The following WDR41 variants were observed in gnomAD, a reference collection of about 807,000 sequenced individuals.
WDR41 encodes the protein WD repeat domain 41.
WDR41 carries 63 observed loss-of-function variants against 69.3 expected under a neutral mutation model. The observed-to-expected ratio is 0.91, with a 90% CI of 0.74 to 1.12. WDR41 has a LOEUF of 1.12. Ranked by LOEUF, WDR41 falls within the 50% of genes most tolerant of loss-of-function variation. WDR41 has a pLI of 0.00. For synonymous variants in WDR41, 185 were observed against 192.1 expected, an observed-to-expected ratio of 0.96 and a Z score of 0.31; for missense variants, 543 against 534.5, an observed-to-expected ratio of 1.02 and a Z score of -0.16.
intron 2 of WDR41, among the ~76,000 whole-genome samples, chr5:77,476,817 A>G (rs1273045461): frequency 6.8e-6 from 1 of 147,708 alleles, no homozygotes; most frequent in Non-Finnish European, 1.5e-5. Flanking sequence ...AAATTCACAC[A>G]TAACAATATT....
In WDR41 at chr5:77,485,233, G is replaced by A. The variant is rs147772344; in HGVS notation, c.167+4224C>T. ...TTCCCAGGGAACCCAGGTACTAGAA[G>A]GATCTATACTGACTATCTGTTTCCC... is the stretch of plus-strand genomic sequence containing the variant. On this transcript the variant is annotated intron_variant, in intron 2 of 12. Transcript: ENST00000296679. Among the ~76,000 whole-genome samples the A allele has an allele frequency of 2.0e-5, 3 of 152,000 alleles. No individual in the cohort carries two copies. The East Asian group carries it at 5.8e-4, about 29-fold the overall frequency.
At chr5:77,438,009 CTTA>C (rs1799013538) in intron 10 of WDR41, among the ~76,000 whole-genome samples, 1 of 152,184 alleles carries the variant, frequency 6.6e-6, no homozygotes, top group African/African-American at 2.4e-5. Context: ...ATCATCTCTT[CTTA>C]ACAATGAAAT....
In WDR41 at chr5:77,448,425, T is replaced by C. The variant is rs78703719; in HGVS notation, c.697+1335A>G. 8.4e-3 allele frequency among the ~76,000 whole-genome samples: 1,280 copies of C among 152,270 alleles called. 8 individuals are homozygous for C. The highest frequency in any genetic ancestry group is 0.031 in the Middle Eastern group (9 of 292). The stretch of plus-strand genomic sequence containing the variant: ...CCTGCAGCTGAGTTTTACAATAAGA[T>C]GGCTATTTGGGAGGAAGATTTTGGA... On this transcript the variant is annotated intron_variant, in intron 8 of 12. Transcript: ENST00000296679.
chr5:77,616,620 A>G (rs74873353), intron 1 of WDR41, among the ~76,000 whole-genome samples: 12,471 of 152,162 alleles, frequency 0.082, 651 homozygotes, highest in East Asian at 0.15. Flanking sequence ...TGTTGCATAC[A>G]CATACATTTA....
chr5:77,450,790 C>T (rs577746333), intron 7 of WDR41, among the ~76,000 whole-genome samples: 23 of 152,268 alleles, frequency 1.5e-4, no homozygotes, highest in Middle Eastern at 3.4e-3. Context: ...TTTCAAATTA[C>T]GAAAGTATCT....
chr5:77,515,847 C>A (rs1356156469), intron 1 of WDR41, among the ~76,000 whole-genome samples: 3 of 152,050 alleles, frequency 2.0e-5, no homozygotes, highest in Non-Finnish European at 4.4e-5. Flanking sequence ...AAATAAATAA[C>A]CCTCATTTTC....
chr5:77,548,446 T>G (rs1028091307), intron 1 of WDR41, among the ~76,000 whole-genome samples: 1 of 151,580 alleles, frequency 6.6e-6, no homozygotes, highest in Non-Finnish European at 1.5e-5. Flanking sequence ...AAAAAAACAA[T>G]CTCATCAAAA....
intron 1 of WDR41, among the ~76,000 whole-genome samples, chr5:77,516,468 A>G (rs1323074693): frequency 1.3e-5 from 2 of 152,242 alleles, no homozygotes; most frequent in Non-Finnish European, 1.5e-5. Context: ...GAATAGATTT[A>G]GCTGCAAGTT....
chr5:77,578,864 C>CCA (rs1743882716), intron 1 of WDR41, among the ~76,000 whole-genome samples: 1 of 77,202 alleles, frequency 1.3e-5, no homozygotes, highest in African/African-American at 4.7e-5. Flanking sequence ...AACTCCATCT[C>CCA]AAAAAAAAAA....
At chr5:77,546,625 G>C (rs558550824) in intron 1 of WDR41, among the ~76,000 whole-genome samples, 1 of 152,154 alleles carries the variant, frequency 6.6e-6, no homozygotes, top group East Asian at 1.9e-4. Flanking sequence ...AGATTGAAAT[G>C]GTAATTTAAA....
At chr5:77,557,265 G>A (rs1585391) in intron 1 of WDR41, among the ~76,000 whole-genome samples, 23,775 of 151,880 alleles carry the variant, frequency 0.16, 2,935 homozygotes, top group African/African-American at 0.33. Flanking sequence ...CTGTTTAAAA[G>A]CAAAACAAAA....
At chr5:77,577,657 C>G (rs1293584620) in intron 1 of WDR41, among the ~76,000 whole-genome samples, 1 of 152,040 alleles carries the variant, frequency 6.6e-6, no homozygotes. Flanking sequence ...CACATGTGCA[C>G]TAGGAAACAT....
intron 1 of WDR41, among the ~76,000 whole-genome samples, chr5:77,578,155 CAAAAAAATCATAAGTCG>C (rs1472152292): frequency 1.3e-5 from 2 of 152,136 alleles, no homozygotes; most frequent in East Asian, 3.9e-4. Context: ...ATTGTAATGT[CAAAAAAATCATAAGTCG>C]AACCATCACA....
chr5:77,576,659 G>A (rs991098303), intron 1 of WDR41, among the ~76,000 whole-genome samples: 1 of 151,884 alleles, frequency 6.6e-6, no homozygotes, highest in Non-Finnish European at 1.5e-5. Flanking sequence ...CATTAGCTAG[G>A]TTTCTGTTCT....
intron 1 of WDR41, among the ~76,000 whole-genome samples, chr5:77,571,751 T>C (rs1047869961): frequency 5.9e-5 from 9 of 152,188 alleles, no homozygotes; most frequent in African/African-American, 2.2e-4. Flanking sequence ...GCTTTTGAAG[T>C]TAATAGAAAC....
intron 1 of WDR41, among the ~76,000 whole-genome samples, chr5:77,603,301 A>G (rs945691094): frequency 6.6e-6 from 1 of 152,048 alleles, no homozygotes; most frequent in Non-Finnish European, 1.5e-5. Context: ...TTTCATTTGC[A>G]TTTCCCTGAT....
upstream of WDR41, chr5:77,492,478 G>C (rs531740177): frequency 7.1e-4 from 301 of 425,688 alleles, 4 homozygotes; most frequent in African/African-American, 5.9e-3. Context: ...GGGCGGCTGC[G>C]GCGATTGCGG....
At chr5:77,513,967 C>CA (rs11347132) in intron 1 of WDR41, among the ~76,000 whole-genome samples, 14 of 151,704 alleles carry the variant, frequency 9.2e-5, no homozygotes, top group African/African-American at 2.9e-4. Context: ...TTTTGTTTTA[C>CA]AAAAAAAACT....
chr5:77,474,912 G>A (rs533252716), intron 2 of WDR41, among the ~76,000 whole-genome samples: 14 of 152,284 alleles, frequency 9.2e-5, no homozygotes, highest in South Asian at 2.1e-4. Context: ...TACCGGGTTC[G>A]TCTCACTAGG....
Sources: gnomAD v4.1 joint callset for allele counts (sites outside exome capture counted in the v4.1 genomes callset) on GRCh38, gnomAD v4.1.1 for gene constraint, MANE v1.5 for transcripts, NCBI Gene and HGNC (gene_info 2026-07-23, HGNC 2026-07-21) for gene names.